Variants in CEP76 observed in about 807,000 individuals in gnomAD.
CEP76 encodes centrosomal protein 76.
In CEP76, 55 loss-of-function variants were observed where a neutral mutation model predicts 83.3. That is an observed-to-expected ratio of 0.66 (90% CI 0.53 to 0.83). The LOEUF (loss-of-function observed/expected upper bound fraction) is 0.83, where lower values mean the gene tolerates loss of function less well. Among genes scored for constraint, CEP76 ranks in the 40% least tolerant of loss-of-function variants. The pLI is 0.00. For synonymous variants in CEP76, 270 were observed against 274.5 expected, an observed-to-expected ratio of 0.98 and a Z score of 0.16; for missense variants, 694 against 799.5, an observed-to-expected ratio of 0.87 and a Z score of 1.59.
intron 6 of CEP76, among the ~76,000 whole-genome samples, chr18:12,694,642 G>A (rs1054194192): frequency 2.0e-5 from 3 of 151,802 alleles, no homozygotes; most frequent in African/African-American, 2.4e-5. Context: ...GCGAAAGAAC[G>A]TTAAAATCCC....
At chr18:12,700,097 C>T (rs1325893955) in intron 2 of CEP76, 192 bp from the exon 3 acceptor site, 3 of 383,346 alleles carry the variant, frequency 7.8e-6, no homozygotes, top group African/African-American at 2.1e-5. Flanking sequence ...AAACTGATCA[C>T]TCCTAAAATC....
chr18:12,676,854 T>C (rs1038838807), intron 10 of CEP76, among the ~76,000 whole-genome samples: 14 of 152,184 alleles, frequency 9.2e-5, no homozygotes, highest in Non-Finnish European at 1.2e-4. Flanking sequence ...GAGAACATGT[T>C]TGATAAATCA....
intron 6 of CEP76, among the ~76,000 whole-genome samples, chr18:12,693,506 T>C (rs2039840749): frequency 6.6e-6 from 1 of 152,116 alleles, no homozygotes; most frequent in African/African-American, 2.4e-5. Context: ...CACATAAATA[T>C]ATGAATAACA....
intron 8 of CEP76, 43 bp downstream of exon 8, chr18:12,686,219 C>G: frequency 6.8e-7 from 1 of 1,479,544 alleles, no homozygotes; most frequent in East Asian, 2.3e-5. Context: ...TTCAGAGTAA[C>G]TATGATATAC....
chr18:12,662,752 G>A (rs1043660024), intron 12 of CEP76, among the ~76,000 whole-genome samples: 2 of 152,210 alleles, frequency 1.3e-5, no homozygotes, highest in African/African-American at 4.8e-5. Context: ...CCTCCAGCCT[G>A]GGCGATAGAG....
In CEP76 at chr18:12,691,503, A is replaced by G; in HGVS notation, c.805-16T>C. ...CCAAAGCAAGCTTGAAATTGAAAAA[A>G]ATATTTTTCAATTTCTATTCATTAT... On this transcript the variant is annotated splice_polypyrimidine_tract_variant and intron_variant, in intron 6 of 11. Coordinates refer to ENST00000262127, the MANE Select transcript of CEP76 (RefSeq NM_024899.4). 6.4e-7 allele frequency: 1 copy of G among 1,556,588 alleles called. No individual in the cohort carries two copies. The highest frequency in any genetic ancestry group is 1.4e-5 in the African/African-American group (1 of 72,626).
chr18:12,682,246 C>T (rs1255590095), intron 8 of CEP76, among the ~76,000 whole-genome samples: 2 of 151,910 alleles, frequency 1.3e-5, no homozygotes, highest in African/African-American at 4.8e-5. Flanking sequence ...CTCAATGCTG[C>T]CTTGACGTCC....
downstream of CEP76, among the ~76,000 whole-genome samples, chr18:12,670,209 A>G (rs2038908128): frequency 6.6e-6 from 1 of 151,866 alleles, no homozygotes; most frequent in South Asian, 2.1e-4. Context: ...GTGTGCCTGT[A>G]GTCCCAGCTA....
chr18:12,695,241 CAT>C lies in CEP76; in HGVS notation c.804+11_804+12del, dbSNP rs2039910344. On this transcript the variant is annotated intron_variant, in intron 6 of 11. Coordinates refer to ENST00000262127, the MANE Select transcript of CEP76 (RefSeq NM_024899.4). ...ACAAACACACAAAAAAAGAGAAACT[CAT>C]AAGTATTTACCTGTGTGTTCACTAC... 8.2e-7 allele frequency: 1 copy of C among 1,214,480 alleles called. No homozygotes were observed. Among genetic ancestry groups the C allele is most frequent in the Admixed American group, 2.2e-5 (1 of 44,912 alleles). The allele number at this position is 1,214,480 out of a possible 1,614,324, so 75.2% of individuals were successfully genotyped here. A position where few individuals can be genotyped will look rare whatever the true frequency, so the allele number is the denominator to read the frequency against.
At chr18:12,682,704 C>T (rs1470178421) in intron 8 of CEP76, among the ~76,000 whole-genome samples, 1 of 152,064 alleles carries the variant, frequency 6.6e-6, no homozygotes, top group African/African-American at 2.4e-5. Context: ...CCTCGGCTCA[C>T]TACAACCTCC....
chr18:12,669,594 A>G (rs1462458149), downstream of CEP76, among the ~76,000 whole-genome samples: 1 of 152,200 alleles, frequency 6.6e-6, no homozygotes, highest in Non-Finnish European at 1.5e-5. Flanking sequence ...GACTGTTGGC[A>G]TACATATTGT....
chr18:12,670,739 T>C (rs962367121), downstream of CEP76: 1 of 151,930 alleles, frequency 6.6e-6, no homozygotes, highest in Non-Finnish European at 1.5e-5. Context: ...GCACAATCTT[T>C]TGGGCTCAAG....
intron 8 of CEP76, chr18:12,684,720 T>G (rs905304943): frequency 6.6e-6 from 1 of 151,896 alleles, no homozygotes; most frequent in Non-Finnish European, 1.5e-5. Context: ...CGACCACAGG[T>G]GATCCACCCT....
rs544907925 is a variant in CEP76 at position 12,701,742 on chromosome 18, C to A, written c.64-629G>T. 2.0e-5 allele frequency among the ~76,000 whole-genome samples: 3 copies of A among 152,264 alleles called. No homozygotes were observed. In the East Asian group the frequency reaches 5.8e-4, roughly 29 times the overall value. On this transcript the variant is annotated intron_variant, in intron 1 of 11. Transcript: ENST00000262127. ...ATTAACAAATTCCGTCATTACAAAC[C>A]CTTTAGTAACTTCTCTTCCATGACT...
chr18:12,662,081 G>T, exon 13 of CEP76: 1 of 416,184 alleles, frequency 2.4e-6, no homozygotes, highest in South Asian at 1.8e-5. Flanking sequence ...TGGCTGTGCT[G>T]CTCTGAGTCT....
At chr18:12,681,231 C>T (rs1281599786) in intron 8 of CEP76, among the ~76,000 whole-genome samples, 1 of 148,182 alleles carries the variant, frequency 6.7e-6, no homozygotes, top group African/African-American at 2.5e-5. Flanking sequence ...AAAGAACTCA[C>T]ACAACACAGA....
chr18:12,691,695 T>TC (rs2145071962), intron 6 of CEP76, among the ~76,000 whole-genome samples: 1 of 150,468 alleles, frequency 6.6e-6, no homozygotes, highest in African/African-American at 2.4e-5. Context: ...CACCTTTTTT[T>TC]CCTCAAAGAC....
Position 12,697,205 on chromosome 18 carries a change from A to G in CEP76, c.706+18T>C, listed in dbSNP as rs746265066. Reference sequence around the variant, plus strand: ...TGTGGCTATAAAAAGGTTAACAATGATATATTAATCACCATACCTACACCC... The same window carrying G: ...TGTGGCTATAAAAAGGTTAACAATGGTATATTAATCACCATACCTACACCC... On this transcript the variant is annotated intron_variant, in intron 5 of 11. Transcript: ENST00000262127. The G allele has an allele frequency of 3.9e-6, 6 of 1,536,354 alleles. No homozygotes were observed. In the South Asian group the frequency reaches 7.2e-5, roughly 19 times the overall value.
intron 10 of CEP76, among the ~76,000 whole-genome samples, chr18:12,676,174 C>T (rs75762538): frequency 0.089 from 13,539 of 151,878 alleles, 845 homozygotes; most frequent in Non-Finnish European, 0.13. Flanking sequence ...GCTTTTCCTG[C>T]GGCAAAATGT....
Sources: allele counts gnomAD v4.1 joint callset (sites outside exome capture counted in the v4.1 genomes callset), GRCh38; gene constraint gnomAD v4.1.1; transcripts MANE v1.5; gene names NCBI Gene and HGNC (gene_info 2026-07-23, HGNC 2026-07-21).